The following NBAS variants were observed in gnomAD, a reference collection of about 807,000 sequenced individuals.
The protein encoded by NBAS is NBAS subunit of NRZ tethering complex, also known as NAG/BC035112 fusion.
In NBAS, 219 loss-of-function variants were observed where a neutral mutation model predicts 302.5. That is an observed-to-expected ratio of 0.72 (90% CI 0.65 to 0.81). The LOEUF (loss-of-function observed/expected upper bound fraction) is 0.81. Among genes scored for constraint, NBAS ranks in the 30% least tolerant of loss-of-function variants. NBAS has a pLI of 0.00. For synonymous variants in NBAS, 1,118 were observed against 1,021.6 expected (o/e 1.09, Z -1.80); for missense variants, 2,932 against 2,841.6 (o/e 1.03, Z -0.72).
At chr2:15,162,126 T>C (rs1663913516), downstream of NBAS, among the ~76,000 whole-genome samples, 1 of 151,910 alleles carries the variant, frequency 6.6e-6, no homozygotes. Context: ...AAAGTCGTAT[T>C]AGCCAGGCCA....
chr2:15,369,561 C>T (rs1325565355), intron 31 of NBAS, among the ~76,000 whole-genome samples: 7 of 152,168 alleles, frequency 4.6e-5, no homozygotes, highest in Non-Finnish European at 1.0e-4. Context: ...TATACCAGTT[C>T]CCTTTTTCTG....
chr2:15,333,762 GAA>G (rs200914210), intron 35 of NBAS, among the ~76,000 whole-genome samples: 1 of 72,034 alleles, frequency 1.4e-5, no homozygotes, highest in South Asian at 4.1e-4. Flanking sequence ...CTGGGAGAAA[GAA>G]AAAAAAAAAA....
intron 50 of NBAS, among the ~76,000 whole-genome samples, chr2:15,181,349 G>T (rs566994267): frequency 6.6e-6 from 1 of 152,316 alleles, no homozygotes; most frequent in African/African-American, 2.4e-5. Context: ...GGATATCCAA[G>T]AAGGGAGGAA....
chr2:15,275,907 T>C (rs1303832530), intron 43 of NBAS, 89 bp from the exon 44 acceptor site: 6 of 1,120,116 alleles, frequency 5.4e-6, no homozygotes, highest in Middle Eastern at 2.3e-4. Context: ...GCCCTCTATA[T>C]GTCTGAACGC....
chr2:15,096,752 G>T, the NBAS span, among the ~76,000 whole-genome samples: 10 of 152,160 alleles, frequency 6.6e-5, no homozygotes, highest in African/African-American at 2.4e-4. Flanking sequence ...TACGCTGAGG[G>T]TTTGTTCCCT....
At chr2:15,475,258 A>G (rs1185963808) in intron 14 of NBAS, among the ~76,000 whole-genome samples, 4 of 152,214 alleles carry the variant, frequency 2.6e-5, no homozygotes, top group Non-Finnish European at 4.4e-5. Context: ...TAAATGACCA[A>G]AAGATAACTT....
chr2:14,928,172 T>C, the NBAS span, among the ~76,000 whole-genome samples: 1 of 152,202 alleles, frequency 6.6e-6, no homozygotes, highest in Non-Finnish European at 1.5e-5. Context: ...CTCTGAGTAA[T>C]CTCTTCTATT....
At chr2:15,368,191 CTT>C (rs1197291033) in intron 31 of NBAS, among the ~76,000 whole-genome samples, 118 of 84,806 alleles carry the variant, frequency 1.4e-3, no homozygotes, top group African/African-American at 5.9e-3. Flanking sequence ...AATGTTTTGA[CTT>C]TTTTTTTTTT....
rs544131566 is a variant in NBAS at position 15,479,138 on chromosome 2, A to G, written c.1084-849T>C. The stretch of plus-strand genomic sequence containing the variant: ...CTATTTCTTTCCACAGCCTGGAAGA[A>G]CTTCCTATTCTCCACTATTATGGTA... On this transcript the variant is annotated intron_variant, in intron 12 of 51. Coordinates refer to ENST00000281513, the MANE Select transcript of NBAS (RefSeq NM_015909.4). 2.0e-5 allele frequency among the ~76,000 whole-genome samples: 3 copies of G among 152,286 alleles called. No individual in the cohort carries two copies. The East Asian group carries it at 5.8e-4, about 29-fold the overall frequency.
the NBAS span, among the ~76,000 whole-genome samples, chr2:15,102,915 G>T: frequency 6.6e-6 from 1 of 151,294 alleles, no homozygotes; most frequent in African/African-American, 2.4e-5. Context: ...GTAACTGTGG[G>T]ACTTATACCA....
chr2:15,037,805 A>G, the NBAS span, among the ~76,000 whole-genome samples: 122,363 of 151,996 alleles, frequency 0.81, 49,762 homozygotes, highest in East Asian at 1. Flanking sequence ...ATACTTATTT[A>G]CATAGAAACA....
the NBAS span, among the ~76,000 whole-genome samples, chr2:15,045,685 A>G: frequency 6.6e-6 from 1 of 152,290 alleles, no homozygotes; most frequent in East Asian, 1.9e-4. Flanking sequence ...AGAAGTGCAG[A>G]TATCTCTATG....
chr2:15,504,023 T>C (rs1023650646), intron 11 of NBAS, 122 bp downstream of exon 11: 5 of 767,244 alleles, frequency 6.5e-6, no homozygotes, highest in East Asian at 2.6e-5. Context: ...AGCCACATAG[T>C]GTATATGAAT....
the NBAS span, among the ~76,000 whole-genome samples, chr2:14,788,110 G>A: frequency 2.6e-5 from 4 of 151,898 alleles, no homozygotes; most frequent in Non-Finnish European, 4.4e-5. Flanking sequence ...CCAGTTGATC[G>A]CATCGGCTCC....
chr2:15,003,586 C>A, the NBAS span, among the ~76,000 whole-genome samples: 2 of 152,188 alleles, frequency 1.3e-5, no homozygotes, highest in African/African-American at 4.8e-5. Context: ...TAGGGGAGGT[C>A]TCTCATTCTC....
At chr2:15,226,104 G>C (rs10929350) in intron 47 of NBAS, among the ~76,000 whole-genome samples, 73,070 of 151,944 alleles carry the variant, frequency 0.48, 19,020 homozygotes, top group African/African-American at 0.68. Context: ...TCCTGTGCTG[G>C]CTCTTAGTGT....
chr2:15,434,354 T>C (rs1677907500), intron 21 of NBAS, among the ~76,000 whole-genome samples: 1 of 152,164 alleles, frequency 6.6e-6, no homozygotes, highest in Admixed American at 6.5e-5. Context: ...CACTTGCCTC[T>C]TGGGCAGATT....
the NBAS span, among the ~76,000 whole-genome samples, chr2:14,780,041 T>A: frequency 6.6e-6 from 1 of 152,146 alleles, no homozygotes. Context: ...CAGTCTCCTC[T>A]TTTTTCTGCT....
rs1377045373 is a variant in NBAS at position 15,443,204 on chromosome 2, A to G, written c.2340-15410T>C. On this transcript the variant is annotated intron_variant, in intron 21 of 51. Transcript: ENST00000281513. ...AGCTGGGCAGAGACACAACAAAAAA[A>G]AGAATTTTAGACCAATATCCTTGAT... is the stretch of plus-strand genomic sequence containing the variant. Among the ~76,000 whole-genome samples the G allele has an allele frequency of 7.4e-3, 1,124 of 150,940 alleles. 13 individuals are homozygous for G. The highest frequency in any genetic ancestry group is 0.02 in the East Asian group (99 of 4,878).
Sources: gnomAD v4.1 joint callset for allele counts (sites outside exome capture counted in the v4.1 genomes callset) on GRCh38, gnomAD v4.1.1 for gene constraint, MANE v1.5 for transcripts, NCBI Gene and HGNC (gene_info 2026-07-23, HGNC 2026-07-21) for gene names.